Variants in NRXN1 observed in about 807,000 individuals in gnomAD.
NRXN1 encodes the protein neurexin 1, also known as neurexin-1.
In NRXN1, 39 loss-of-function variants were observed where a neutral mutation model predicts 150.9. The observed-to-expected ratio is 0.26, with a 90% CI of 0.20 to 0.34. NRXN1 has a LOEUF of 0.34. Ranked by LOEUF, NRXN1 falls within the 10% of genes least tolerant of loss-of-function variation. The pLI is 1.00. For missense variants in NRXN1, 1,815 were observed against 1,949.9 expected, an observed-to-expected ratio of 0.93 and a Z score of 1.30; for synonymous variants, 924 against 757.0, an observed-to-expected ratio of 1.22 and a Z score of -3.62.
At chr2:50,157,651 C>T (rs2059106487) in intron 18 of NRXN1, among the ~76,000 whole-genome samples, 1 of 151,792 alleles carries the variant, frequency 6.6e-6, no homozygotes, top group African/African-American at 2.4e-5. Context: ...AGGGGAAAGG[C>T]TAGTAAGATA....
intron 8 of NRXN1, among the ~76,000 whole-genome samples, chr2:50,597,337 G>A (rs1336953153): frequency 4.6e-5 from 7 of 152,114 alleles, no homozygotes; most frequent in Non-Finnish European, 8.8e-5. Context: ...TACTACTACA[G>A]CAGCCTGAGG....
chr2:50,170,381 C>T (rs963743962), intron 18 of NRXN1, among the ~76,000 whole-genome samples: 51 of 152,144 alleles, frequency 3.4e-4, no homozygotes, highest in African/African-American at 9.2e-4. Context: ...CTGCAACCTC[C>T]GCCTCCTGGA....
chr2:50,550,823 A>G (rs1411546569), intron 9 of NRXN1, among the ~76,000 whole-genome samples: 2 of 151,644 alleles, frequency 1.3e-5, no homozygotes, highest in Non-Finnish European at 2.9e-5. Flanking sequence ...CTGGGACTAC[A>G]GGCACCGCCA....
chr2:50,661,824 G>C (rs1159962707), intron 5 of NRXN1, among the ~76,000 whole-genome samples: 8 of 152,138 alleles, frequency 5.3e-5, no homozygotes, highest in Middle Eastern at 3.4e-3. Context: ...TGAAATGCTT[G>C]ACATGCAAAC....
chr2:49,975,228 T>G (rs527764476), intron 21 of NRXN1, among the ~76,000 whole-genome samples: 1 of 151,878 alleles, frequency 6.6e-6, no homozygotes, highest in African/African-American at 2.4e-5. Flanking sequence ...AGCTCAAAAG[T>G]AGCATAAAAC....
chr2:50,044,973 G>A (rs1691586396), intron 21 of NRXN1, among the ~76,000 whole-genome samples: 1 of 152,068 alleles, frequency 6.6e-6, no homozygotes, highest in South Asian at 2.1e-4. Context: ...TAAACCATTG[G>A]TTAACACAAG....
intron 17 of NRXN1, among the ~76,000 whole-genome samples, chr2:50,382,833 C>T (rs1818715): frequency 0.24 from 36,169 of 151,968 alleles, 4,636 homozygotes; most frequent in East Asian, 0.43. Flanking sequence ...AAAGTCACAG[C>T]TTTTACTGGT....
intron 17 of NRXN1, among the ~76,000 whole-genome samples, chr2:50,274,309 C>G (rs146328692): frequency 6.6e-6 from 1 of 152,268 alleles, no homozygotes; most frequent in African/African-American, 2.4e-5. Context: ...GGAAACCAAA[C>G]ACTGCATGTT....
At chr2:50,595,432 A>C (rs573293517) in intron 8 of NRXN1, among the ~76,000 whole-genome samples, 1 of 151,662 alleles carries the variant, frequency 6.6e-6, no homozygotes, top group East Asian at 1.9e-4. Context: ...GGAAAAAAAA[A>C]AAAAATACCC....
intron 8 of NRXN1, among the ~76,000 whole-genome samples, chr2:50,591,919 T>C (rs1674332044): frequency 6.6e-6 from 1 of 152,210 alleles, no homozygotes; most frequent in Non-Finnish European, 1.5e-5. Context: ...AAACCTTTTG[T>C]GTGGATCTCA....
chr2:50,002,750 C>T (rs1035728036), intron 21 of NRXN1, among the ~76,000 whole-genome samples: 2 of 151,970 alleles, frequency 1.3e-5, no homozygotes, highest in Non-Finnish European at 2.9e-5. Context: ...GATCTGTGTA[C>T]AAGTTTAAGC....
At chr2:50,051,670 A>G (rs939769518) in intron 21 of NRXN1, among the ~76,000 whole-genome samples, 2 of 152,120 alleles carry the variant, frequency 1.3e-5, no homozygotes, top group Non-Finnish European at 2.9e-5. Context: ...AAGTGCTATG[A>G]TGTTATTGGC....
At chr2:50,270,456 A>C (rs1442820745) in intron 17 of NRXN1, among the ~76,000 whole-genome samples, 1 of 152,118 alleles carries the variant, frequency 6.6e-6, no homozygotes, top group East Asian at 1.9e-4. Flanking sequence ...TAAACTATGC[A>C]AAAGGATTTA....
intron 21 of NRXN1, among the ~76,000 whole-genome samples, chr2:50,017,378 A>C (rs1004588265): frequency 6.6e-6 from 1 of 152,334 alleles, no homozygotes; most frequent in South Asian, 2.1e-4. Context: ...TGTCTCCATG[A>C]AAATGGCACT....
chr2:50,538,195 C>A, intron 10 of NRXN1, 58 bp downstream of exon 10: 2 of 1,557,074 alleles, frequency 1.3e-6, no homozygotes. Context: ...GGTTTGAGGT[C>A]AACATTTAAT....
rs576860104 is a variant in NRXN1 at position 50,948,111 on chromosome 2, ACAC to A, written c.773-22159_773-22157del. ...CATCCTTACAACGCATATGGCACAGACACCACATTTCTTCAATAAAAAATAAAA... is the reference window on the plus strand; with the variant it reads ...CATCCTTACAACGCATATGGCACAGACACATTTCTTCAATAAAAAATAAAA... On this transcript the variant is annotated intron_variant, in intron 2 of 22. Transcript: ENST00000401669. Among the ~76,000 whole-genome samples the A allele has an allele frequency of 1.2e-4, 19 of 152,108 alleles. No homozygotes were observed. The East Asian group carries it at 3.7e-3, about 29-fold the overall frequency.
intron 17 of NRXN1, among the ~76,000 whole-genome samples, chr2:50,242,931 G>C (rs569835263): frequency 6.6e-6 from 1 of 151,682 alleles, no homozygotes; most frequent in Non-Finnish European, 1.5e-5. Context: ...TTTAGGCACA[G>C]GTCCCATATT....
chr2:50,481,455 T>C (rs376336685), intron 15 of NRXN1, among the ~76,000 whole-genome samples: 8 of 152,350 alleles, frequency 5.3e-5, no homozygotes, highest in Admixed American at 2.0e-4. Context: ...AGAATTCTTA[T>C]GTTCAAAACT....
At chr2:50,250,273 C>G (rs758952490) in intron 17 of NRXN1, among the ~76,000 whole-genome samples, 3 of 151,960 alleles carry the variant, frequency 2.0e-5, no homozygotes, top group Admixed American at 2.0e-4. Flanking sequence ...CCCAAATACT[C>G]CCAAATTATT....
Sources: gnomAD v4.1 joint callset for allele counts (sites outside exome capture counted in the v4.1 genomes callset) on GRCh38, gnomAD v4.1.1 for gene constraint, MANE v1.5 for transcripts, NCBI Gene and HGNC (gene_info 2026-07-23, HGNC 2026-07-21) for gene names.